The following ACYP2 variants were observed in gnomAD, a reference collection of about 807,000 sequenced individuals.
ACYP2 encodes acylphosphatase-2.
ACYP2 carries 12 observed loss-of-function variants against 11.2 expected under a neutral mutation model. The observed-to-expected ratio is 1.08, with a 90% CI of 0.69 to 1.74. ACYP2 has a LOEUF of 1.74. Ranked by LOEUF, ACYP2 falls within the 40% of genes most tolerant of loss-of-function variation. ACYP2 has a pLI of 0.00. For synonymous variants in ACYP2, 43 were observed against 32.2 expected, an observed-to-expected ratio of 1.33 and a Z score of -1.13; for missense variants, 134 against 101.9, an observed-to-expected ratio of 1.31 and a Z score of -1.35.
At chr2:54,038,141 G>T (rs1359578921) in intron 2 of ACYP2, among the ~76,000 whole-genome samples, 1 of 152,208 alleles carries the variant, frequency 6.6e-6, no homozygotes, top group Non-Finnish European at 1.5e-5. Context: ...TTCCTGGAAG[G>T]TGGGAGGACA....
intron 6 of ACYP2, among the ~76,000 whole-genome samples, chr2:54,182,844 A>C (rs369061412): frequency 6.6e-6 from 1 of 152,276 alleles, no homozygotes; most frequent in Non-Finnish European, 1.5e-5. Context: ...ATCTTGGGGC[A>C]GATCCAGGTT....
At chr2:54,094,087 A>G (rs993023167) in intron 4 of ACYP2, among the ~76,000 whole-genome samples, 5 of 152,240 alleles carry the variant, frequency 3.3e-5, no homozygotes, top group East Asian at 1.9e-4. Context: ...AGATACTGGC[A>G]ATGTACAAAA....
intron 6 of ACYP2, among the ~76,000 whole-genome samples, chr2:54,288,063 C>G (rs1422545772): frequency 6.6e-6 from 1 of 151,902 alleles, no homozygotes; most frequent in Non-Finnish European, 1.5e-5. Flanking sequence ...CTCCTGTAGC[C>G]ACAATTTAGA....
At chr2:53,995,445 C>T (rs1386974009) in intron 2 of ACYP2, among the ~76,000 whole-genome samples, 1 of 151,160 alleles carries the variant, frequency 6.6e-6, no homozygotes, top group Non-Finnish European at 1.5e-5. Context: ...TAATTCTAGA[C>T]ACAATTAATT....
At chr2:54,128,098 G>C (rs1680651694) in intron 4 of ACYP2, among the ~76,000 whole-genome samples, 3 of 152,218 alleles carry the variant, frequency 2.0e-5, no homozygotes, top group Non-Finnish European at 2.9e-5. Context: ...GAGTGGATAA[G>C]TTCTAGAATT....
intron 2 of ACYP2, among the ~76,000 whole-genome samples, chr2:54,046,038 C>T (rs554543519): frequency 6.6e-6 from 1 of 151,774 alleles, no homozygotes; most frequent in East Asian, 1.9e-4. Context: ...GGCGTGGTGG[C>T]ACATGCCTAT....
chr2:54,217,672 G>A (rs1685615433), intron 6 of ACYP2, among the ~76,000 whole-genome samples: 1 of 152,086 alleles, frequency 6.6e-6, no homozygotes, highest in African/African-American at 2.4e-5. Context: ...TATGTGCCTG[G>A]CCAGAGTTTC....
At chr2:54,271,446 A>G (rs1042812032) in intron 6 of ACYP2, among the ~76,000 whole-genome samples, 1 of 152,058 alleles carries the variant, frequency 6.6e-6, no homozygotes, top group Non-Finnish European at 1.5e-5. Flanking sequence ...ACCATATCCA[A>G]CCAGTGACTC....
At chr2:54,012,531 A>G (rs547197716) in intron 2 of ACYP2, among the ~76,000 whole-genome samples, 4 of 152,048 alleles carry the variant, frequency 2.6e-5, no homozygotes, top group Non-Finnish European at 4.4e-5. Flanking sequence ...CAATCAATCA[A>G]TAAAGCATTT....
At chr2:54,067,902 CT>C (rs1404136259) in intron 4 of ACYP2, among the ~76,000 whole-genome samples, 1 of 152,156 alleles carries the variant, frequency 6.6e-6, no homozygotes, top group Non-Finnish European at 1.5e-5. Flanking sequence ...AGCCTAAATG[CT>C]TTGGTTATCT....
intron 2 of ACYP2, among the ~76,000 whole-genome samples, chr2:54,007,418 TA>T (rs756638344): frequency 8.0e-4 from 121 of 152,108 alleles, no homozygotes; most frequent in Non-Finnish European, 9.6e-4. Flanking sequence ...CATGCCTGGC[TA>T]ATTTTTTGTA....
At chr2:54,170,416 G>A (rs2103848198) in intron 6 of ACYP2, among the ~76,000 whole-genome samples, 1 of 152,256 alleles carries the variant, frequency 6.6e-6, no homozygotes, top group South Asian at 2.1e-4. Flanking sequence ...GCCTCCCAAA[G>A]TGCTGGGATT....
At chr2:54,165,034 A>G (rs1157260938) in intron 6 of ACYP2, among the ~76,000 whole-genome samples, 2 of 152,346 alleles carry the variant, frequency 1.3e-5, no homozygotes, top group Non-Finnish European at 2.9e-5. Context: ...TGCAAAGGAC[A>G]TGAACTCATT....
intron 6 of ACYP2, among the ~76,000 whole-genome samples, chr2:54,161,452 G>C (rs369388708): frequency 2.6e-5 from 4 of 152,166 alleles, no homozygotes; most frequent in Non-Finnish European, 5.9e-5. Flanking sequence ...ACTCAAGGGC[G>C]TATAGCAAGC....
chr2:54,229,998 T>C (rs1179763996), intron 6 of ACYP2, among the ~76,000 whole-genome samples: 1 of 152,216 alleles, frequency 6.6e-6, no homozygotes, highest in Admixed American at 6.5e-5. Context: ...CCATAAATTC[T>C]CATGAGATGG....
chr2:54,159,268 C>T (rs568961202), intron 6 of ACYP2, among the ~76,000 whole-genome samples: 5 of 151,704 alleles, frequency 3.3e-5, no homozygotes, highest in African/African-American at 7.3e-5. Context: ...CATTCGGTCA[C>T]GTGAAGGTGG....
At chr2:54,008,647 C>T (rs938703745) in intron 2 of ACYP2, among the ~76,000 whole-genome samples, 1 of 152,142 alleles carries the variant, frequency 6.6e-6, no homozygotes, top group Non-Finnish European at 1.5e-5. Flanking sequence ...GGGCACATTC[C>T]ACCACGCCTG....
chr2:54,291,360 G>C (rs1689295199), intron 6 of ACYP2, among the ~76,000 whole-genome samples: 1 of 152,168 alleles, frequency 6.6e-6, no homozygotes, highest in African/African-American at 2.4e-5. Context: ...GTCCACAGAA[G>C]TGTGGCCACC....
At chr2:54,289,906 G>A (rs1689227208) in intron 6 of ACYP2, among the ~76,000 whole-genome samples, 1 of 151,974 alleles carries the variant, frequency 6.6e-6, no homozygotes. Context: ...ACCACATGTA[G>A]TATGCTCAAT....
Sources: gnomAD v4.1 joint callset for allele counts (sites outside exome capture counted in the v4.1 genomes callset) on GRCh38, gnomAD v4.1.1 for gene constraint, MANE v1.5 for transcripts, NCBI Gene and HGNC (gene_info 2026-07-23, HGNC 2026-07-21) for gene names.